Variants in XKR6 observed in about 807,000 individuals in gnomAD.
XKR6 encodes XK related 6, also known as XK-related protein 6.
A neutral mutation model predicts 56.7 loss-of-function variants in XKR6; 22 were observed. That is an observed-to-expected ratio of 0.39 (90% CI 0.28 to 0.55). The LOEUF (loss-of-function observed/expected upper bound fraction) is 0.55, where lower values mean the gene tolerates loss of function less well. XKR6 is among the 20% of genes least tolerant of loss of function. XKR6 has a pLI of 0.66. For missense variants in XKR6, 852 were observed against 889.0 expected, an observed-to-expected ratio of 0.96 and a Z score of 0.53; for synonymous variants, 524 against 387.8, an observed-to-expected ratio of 1.35 and a Z score of -4.13.
At chr8:10,961,507 G>A (rs1201736573) in intron 1 of XKR6, among the ~76,000 whole-genome samples, 1 of 152,228 alleles carries the variant, frequency 6.6e-6, no homozygotes, top group Non-Finnish European at 1.5e-5. Context: ...CCCAGCCTTG[G>A]CTCAGAGTGA....
chr8:11,099,840 G>A (rs2129175579), intron 1 of XKR6, among the ~76,000 whole-genome samples: 1 of 152,208 alleles, frequency 6.6e-6, no homozygotes, highest in East Asian at 1.9e-4. Flanking sequence ...CATGGCAGAG[G>A]TGCCACTCTA....
intron 1 of XKR6, among the ~76,000 whole-genome samples, chr8:10,983,017 C>T (rs989769285): frequency 1.3e-5 from 2 of 152,162 alleles, no homozygotes; most frequent in Non-Finnish European, 2.9e-5. Flanking sequence ...AATTAACTTA[C>T]AGGGTTGTAA....
At chr8:11,109,024 TAA>T (rs1368722036) in intron 1 of XKR6, 1 of 152,208 alleles carries the variant, frequency 6.6e-6, no homozygotes, top group Non-Finnish European at 1.5e-5. Flanking sequence ...CGTCCCTGGG[TAA>T]AGAGTCAGAT....
chr8:11,183,000 G>T (rs1803076707), intron 1 of XKR6, among the ~76,000 whole-genome samples: 1 of 152,104 alleles, frequency 6.6e-6, no homozygotes, highest in South Asian at 2.1e-4. Flanking sequence ...ATTTCACTTT[G>T]CAGAATGTCC....
intron 1 of XKR6, among the ~76,000 whole-genome samples, chr8:11,009,543 T>C (rs7001599): frequency 0.35 from 52,862 of 151,988 alleles, 9,788 homozygotes; most frequent in Middle Eastern, 0.41. Flanking sequence ...AAAATAGTTA[T>C]AGGTTTGATG....
chr8:11,093,520 C>A (rs1317579131), intron 1 of XKR6, among the ~76,000 whole-genome samples: 1 of 152,208 alleles, frequency 6.6e-6, no homozygotes, highest in Non-Finnish European at 1.5e-5. Flanking sequence ...GCACTTAGTG[C>A]CCGGCCACAT....
chr8:11,076,437 G>A (rs1185948681), intron 1 of XKR6, among the ~76,000 whole-genome samples: 1 of 152,034 alleles, frequency 6.6e-6, no homozygotes, highest in Non-Finnish European at 1.5e-5. Context: ...CCTGCCTGTT[G>A]GGTCCCAGCC....
At chr8:11,044,491 G>C (rs1465888853) in intron 1 of XKR6, among the ~76,000 whole-genome samples, 1 of 152,182 alleles carries the variant, frequency 6.6e-6, no homozygotes, top group Non-Finnish European at 1.5e-5. Context: ...TCAATTGTGT[G>C]ATTTTTCAGC....
At position 11,121,218 on chromosome 8, in the gene XKR6, A is replaced by G. The variant is rs1799440425; in HGVS notation, c.764+79358T>C. On this transcript the variant is annotated intron_variant, in intron 1 of 2. Coordinates refer to ENST00000416569, the MANE Select transcript of XKR6 (RefSeq NM_173683.4). ...TGTTTAAACTAAAGAGCTTTTGCAC[A>G]GCAAAAGAAACTACCATCAGAGTGA... 2.0e-5 allele frequency among the ~76,000 whole-genome samples: 3 copies of G among 152,332 alleles called. No homozygotes were observed. The South Asian group carries it at 6.2e-4, about 32-fold the overall frequency.
At chr8:11,061,690 G>A (rs1586492662) in intron 1 of XKR6, among the ~76,000 whole-genome samples, 1 of 152,250 alleles carries the variant, frequency 6.6e-6, no homozygotes, top group East Asian at 1.9e-4. Flanking sequence ...AAGTACAGAG[G>A]AAAGAGAATT....
chr8:11,111,210 T>C (rs1014295653), intron 1 of XKR6, among the ~76,000 whole-genome samples: 7 of 152,040 alleles, frequency 4.6e-5, no homozygotes, highest in African/African-American at 1.7e-4. Context: ...GTTTCTGTCC[T>C]TCTCCTCCCT....
At chr8:11,021,081 T>A (rs1798739630) in intron 1 of XKR6, among the ~76,000 whole-genome samples, 1 of 152,046 alleles carries the variant, frequency 6.6e-6, no homozygotes. Context: ...TTAAGATACG[T>A]CAAGCCTTAG....
At chr8:11,196,112 C>T (rs1018670582) in intron 1 of XKR6, among the ~76,000 whole-genome samples, 4 of 152,054 alleles carry the variant, frequency 2.6e-5, no homozygotes, top group Admixed American at 1.3e-4. Flanking sequence ...CCCACACAAA[C>T]GAATCTCCTC....
At chr8:10,927,345 C>T (rs1488426896) in intron 1 of XKR6, among the ~76,000 whole-genome samples, 2 of 152,118 alleles carry the variant, frequency 1.3e-5, no homozygotes, top group East Asian at 1.9e-4. Context: ...CAGATCAGAG[C>T]TGCCCCCTGT....
At chr8:11,028,901 T>A (rs1177134240) in intron 1 of XKR6, among the ~76,000 whole-genome samples, 1 of 151,988 alleles carries the variant, frequency 6.6e-6, no homozygotes, top group African/African-American at 2.4e-5. Context: ...GGTGGCAGGG[T>A]GGGATGTGAA....
chr8:11,036,365 C>A (rs781330584), intron 1 of XKR6, among the ~76,000 whole-genome samples: 35 of 152,316 alleles, frequency 2.3e-4, no homozygotes, highest in Non-Finnish European at 4.6e-4. Context: ...CTAGAGGAAG[C>A]CACTGTGCCC....
intron 1 of XKR6, among the ~76,000 whole-genome samples, chr8:11,003,446 T>C (rs1294485918): frequency 6.6e-6 from 1 of 152,018 alleles, no homozygotes; most frequent in African/African-American, 2.4e-5. Context: ...ATCACCACAA[T>C]CATAGTCACT....
At chr8:11,106,863 A>AAAAAAAAAAAAAAAAAAG (rs60435831) in intron 1 of XKR6, among the ~76,000 whole-genome samples, 1,256 of 109,780 alleles carry the variant, frequency 0.011, 214 homozygotes, top group African/African-American at 0.053. Flanking sequence ...AAAAAAAAAA[A>AAAAAAAAAAAAAAAAAAG]AATAAAAAAG....
At position 10,957,787 on chromosome 8, in the gene XKR6, C is replaced by G. The variant is rs73537346; in HGVS notation, c.765-32957G>C. The stretch of plus-strand genomic sequence containing the variant: ...CCATCCCTCCTCAGAACAAGCGAAA[C>G]TGGGGAGTGGGGAAATCCACACAGA... On this transcript the variant is annotated intron_variant, in intron 1 of 2. Coordinates refer to ENST00000416569, the MANE Select transcript of XKR6 (RefSeq NM_173683.4). 5.8e-3 allele frequency among the ~76,000 whole-genome samples: 890 copies of G among 152,242 alleles called. 6 individuals are homozygous for G. The highest frequency in any genetic ancestry group is 0.02 in the African/African-American group (811 of 41,550).
Sources: gnomAD v4.1 joint callset for allele counts (sites outside exome capture counted in the v4.1 genomes callset) on GRCh38, gnomAD v4.1.1 for gene constraint, MANE v1.5 for transcripts, NCBI Gene and HGNC (gene_info 2026-07-23, HGNC 2026-07-21) for gene names.